Variants in CYBRD1 observed in about 807,000 individuals in gnomAD.
CYBRD1 encodes cytochrome b reductase 1, also known as plasma membrane ascorbate-dependent reductase CYBRD1.
Under a neutral mutation model 21.9 loss-of-function variants are expected in CYBRD1, and 14 were observed. The ratio of observed to expected loss-of-function variants is 0.64; its 90% CI spans 0.42 to 1.00. The LOEUF is 1.00. CYBRD1 is among the 50% of genes least tolerant of loss of function. The probability of loss-of-function intolerance (pLI) is 0.00; values close to 1 mark genes in which losing one functional copy is unlikely to be tolerated. For missense variants in CYBRD1, 328 were observed against 352.5 expected, an observed-to-expected ratio of 0.93 and a Z score of 0.56; for synonymous variants, 146 against 136.5, an observed-to-expected ratio of 1.07 and a Z score of -0.48.
Position 171,555,180 on chromosome 2 carries a change from T to G in CYBRD1, c.*353T>G, listed in dbSNP as rs1475652130. 3.3e-6 allele frequency: 1 copy of G among 298,582 alleles called. No homozygotes were observed. The highest frequency in any genetic ancestry group is 6.4e-6 in the Non-Finnish European group (1 of 156,266). 18.5% of individuals were successfully genotyped at this position (298,582 alleles called of 1,614,324 possible). On this transcript the variant is annotated 3_prime_UTR_variant, in exon 4 of 4. Coordinates refer to ENST00000321348, the MANE Select transcript of CYBRD1 (RefSeq NM_024843.4). The stretch of plus-strand genomic sequence containing the variant: ...TGGCAGCATCCCTGGCCTGTTGTCA[T>G]GCAGTCATTTCCTGTTAATTCTGGG...
At chr2:171,527,595 C>T (rs1296142456) in intron 1 of CYBRD1, among the ~76,000 whole-genome samples, 4 of 152,186 alleles carry the variant, frequency 2.6e-5, no homozygotes, top group Admixed American at 2.6e-4. Flanking sequence ...TCATATTGCA[C>T]TGGAAACGCA....
chr2:171,545,771 A>G (rs887065030), intron 2 of CYBRD1, among the ~76,000 whole-genome samples: 4 of 152,130 alleles, frequency 2.6e-5, no homozygotes, highest in African/African-American at 7.2e-5. Context: ...AAAGTATACA[A>G]TGGGTAATGA....
upstream of CYBRD1, chr2:171,522,471 C>T (rs531512964): frequency 9.1e-6 from 14 of 1,541,968 alleles, no homozygotes; most frequent in East Asian, 2.9e-4. This position sits in a 1 kb window ranked among gnomAD's most constrained non-coding sequence, Gnocchi z 4.3. Flanking sequence ...GTCCCGCCGC[C>T]CGGCCACTAC....
intron 1 of CYBRD1, among the ~76,000 whole-genome samples, chr2:171,540,040 T>G (rs1456244300): frequency 6.6e-6 from 1 of 152,170 alleles, no homozygotes; most frequent in East Asian, 1.9e-4. Context: ...CATAAAAAAC[T>G]TAATTGGAGT....
chr2:171,538,400 G>A (rs12996339), intron 1 of CYBRD1, among the ~76,000 whole-genome samples: 5,227 of 152,236 alleles, frequency 0.034, 99 homozygotes, highest in Non-Finnish European at 0.052. Flanking sequence ...ATGAAGTAGG[G>A]GTGAGAGGGG....
At chr2:171,541,876 T>C in intron 2 of CYBRD1, 83 bp downstream of exon 2, 1 of 1,358,018 alleles carries the variant, frequency 7.4e-7, no homozygotes. Context: ...TTTTTTTTTT[T>C]TTTTTTGAGA....
At chr2:171,550,266 T>C (rs541755441) in intron 2 of CYBRD1, among the ~76,000 whole-genome samples, 4 of 152,198 alleles carry the variant, frequency 2.6e-5, no homozygotes, top group African/African-American at 7.2e-5. Context: ...CCACCATGCC[T>C]GGCTAGTTTT....
intron 1 of CYBRD1, among the ~76,000 whole-genome samples, chr2:171,532,339 G>C (rs1218935309): frequency 6.6e-6 from 1 of 152,190 alleles, no homozygotes; most frequent in Non-Finnish European, 1.5e-5. Flanking sequence ...TAAAATTCCA[G>C]TGTACTTCAA....
intron 1 of CYBRD1, among the ~76,000 whole-genome samples, chr2:171,533,770 CTT>C (rs10707105): frequency 0.029 from 3,768 of 130,678 alleles, 67 homozygotes; most frequent in Non-Finnish European, 0.044. Context: ...TTCTTTCTTT[CTT>C]TTTTTTTTTT....
At chr2:171,539,463 G>A (rs1456277034) in intron 1 of CYBRD1, among the ~76,000 whole-genome samples, 4 of 152,088 alleles carry the variant, frequency 2.6e-5, no homozygotes, top group African/African-American at 9.7e-5. Flanking sequence ...CAGCCTGGGT[G>A]ACAGAGAAAG....
At chr2:171,550,779 AAG>A (rs1697785916) in intron 2 of CYBRD1, among the ~76,000 whole-genome samples, 1 of 152,190 alleles carries the variant, frequency 6.6e-6, no homozygotes, top group Admixed American at 6.5e-5. Flanking sequence ...ACAGGATTGT[AAG>A]AGACACACAT....
At chr2:171,532,168 G>A (rs1697476532) in intron 1 of CYBRD1, among the ~76,000 whole-genome samples, 1 of 152,202 alleles carries the variant, frequency 6.6e-6, no homozygotes, top group African/African-American at 2.4e-5. Flanking sequence ...AGGTCCTTTG[G>A]ATAGAATCTG....
intron 1 of CYBRD1, among the ~76,000 whole-genome samples, chr2:171,531,532 C>T (rs1042744626): frequency 3.9e-5 from 6 of 152,104 alleles, no homozygotes; most frequent in African/African-American, 9.7e-5. Flanking sequence ...ACTGCAGCCT[C>T]GACCTCCCGG....
At chr2:171,537,965 A>G (rs1026838746) in intron 1 of CYBRD1, among the ~76,000 whole-genome samples, 1 of 152,198 alleles carries the variant, frequency 6.6e-6, no homozygotes, top group Non-Finnish European at 1.5e-5. Context: ...ATAAATATGT[A>G]CAATTATTAT....
At chr2:171,523,385 A>T in intron 1 of CYBRD1, 1 of 254,456 alleles carries the variant, frequency 3.9e-6, no homozygotes, top group South Asian at 3.7e-5. Context: ...TGTTAAACTC[A>T]GTCGAGTCCG....
intron 2 of CYBRD1, among the ~76,000 whole-genome samples, chr2:171,546,614 A>G (rs1259567303): frequency 5.9e-5 from 9 of 152,208 alleles, no homozygotes; most frequent in African/African-American, 2.2e-4. Flanking sequence ...CCACAAGACA[A>G]ATGTGGGCTC....
chr2:171,531,585 A>G (rs1407291490), intron 1 of CYBRD1, among the ~76,000 whole-genome samples: 1 of 152,108 alleles, frequency 6.6e-6, no homozygotes, highest in Non-Finnish European at 1.5e-5. Context: ...CTGGGATTAC[A>G]GTTGTGAACC....
intron 1 of CYBRD1, among the ~76,000 whole-genome samples, chr2:171,533,482 A>T (rs1314079955): frequency 6.6e-6 from 1 of 152,258 alleles, no homozygotes; most frequent in Non-Finnish European, 1.5e-5. Flanking sequence ...CATGAATCAC[A>T]AGATTTAAAC....
chr2:171,523,034 T>G (rs943886078), intron 1 of CYBRD1: 12 of 436,282 alleles, frequency 2.8e-5, no homozygotes, highest in African/African-American at 2.6e-4. Context: ...TGGTTAACTC[T>G]TTGCGGCGAC....
Sources: allele counts gnomAD v4.1 joint callset (sites outside exome capture counted in the v4.1 genomes callset), GRCh38; gene constraint gnomAD v4.1.1; non-coding constraint Gnocchi (gnomAD v3.1); transcripts MANE v1.5; gene names NCBI Gene and HGNC (gene_info 2026-07-23, HGNC 2026-07-21).